Variants in KLF12 observed in about 807,000 individuals in gnomAD.
KLF12 encodes the protein KLF transcription factor 12, also known as Krueppel-like factor 12.
KLF12 carries 9 observed loss-of-function variants against 37.8 expected under a neutral mutation model. The observed-to-expected ratio is 0.24, with a 90% CI of 0.14 to 0.42. The LOEUF (loss-of-function observed/expected upper bound fraction) is 0.42, where lower values mean the gene tolerates loss of function less well. KLF12 is among the 10% of genes least tolerant of loss of function. The pLI, the probability that KLF12 is intolerant of heterozygous loss-of-function variation, is 1.00. For synonymous variants in KLF12, 208 were observed against 202.1 expected (o/e 1.03, Z -0.25); for missense variants, 411 against 516.0 (o/e 0.80, Z 1.97).
intron 1 of KLF12, among the ~76,000 whole-genome samples, chr13:73,998,732 C>T (rs1040413456): frequency 6.6e-6 from 1 of 152,192 alleles, no homozygotes; most frequent in Admixed American, 6.5e-5. Context: ...AAGGTTTCTA[C>T]CACATAAGTT....
chr13:73,866,799 A>C (rs1053387792), intron 3 of KLF12, among the ~76,000 whole-genome samples: 1 of 151,986 alleles, frequency 6.6e-6, no homozygotes, highest in African/African-American at 2.4e-5. Context: ...ACATAAATCT[A>C]ACTGAGTAAT....
chr13:73,991,461 AAAAC>A, intron 2 of KLF12, among the ~76,000 whole-genome samples: 1 of 152,344 alleles, frequency 6.6e-6, no homozygotes, highest in South Asian at 2.1e-4. Context: ...CTCACACTAA[AAAAC>A]AAATAATATC....
At chr13:73,893,328 C>T (rs1887602124) in intron 3 of KLF12, among the ~76,000 whole-genome samples, 2 of 139,380 alleles carry the variant, frequency 1.4e-5, no homozygotes, top group Admixed American at 1.4e-4. Flanking sequence ...ATTTTTTTTT[C>T]AGTCTCATTG....
At chr13:74,039,655 A>C (rs1457179149) in intron 1 of KLF12, among the ~76,000 whole-genome samples, 2 of 152,272 alleles carry the variant, frequency 1.3e-5, no homozygotes, top group African/African-American at 2.4e-5. Flanking sequence ...GATTTATTAC[A>C]AAATGGACAG....
chr13:74,227,311 A>T, the KLF12 span, among the ~76,000 whole-genome samples: 3 of 152,104 alleles, frequency 2.0e-5, no homozygotes, highest in African/African-American at 7.2e-5. Context: ...ACAGGATTAA[A>T]CCACATTTTG....
chr13:74,229,708 C>T, the KLF12 span, among the ~76,000 whole-genome samples: 18 of 152,166 alleles, frequency 1.2e-4, no homozygotes, highest in South Asian at 1.0e-3. Context: ...TACTGTGGGG[C>T]AGCCCAGGAG....
intron 3 of KLF12, among the ~76,000 whole-genome samples, chr13:73,899,838 A>T (rs1020293347): frequency 6.6e-6 from 1 of 152,130 alleles, no homozygotes; most frequent in Admixed American, 6.5e-5. Flanking sequence ...TTGGACTGAC[A>T]GTTATACCAC....
intron 3 of KLF12, among the ~76,000 whole-genome samples, chr13:73,919,767 A>C (rs1301529078): frequency 1.3e-5 from 2 of 152,226 alleles, no homozygotes; most frequent in African/African-American, 4.8e-5. Flanking sequence ...ACATAACTTC[A>C]TAAGGATTTG....
At chr13:74,195,828 C>T in the KLF12 span, among the ~76,000 whole-genome samples, 1 of 152,130 alleles carries the variant, frequency 6.6e-6, no homozygotes, top group East Asian at 1.9e-4. Flanking sequence ...AAATAATCAG[C>T]TCGCCTTGGC....
At chr13:73,922,351 C>A (rs189201180) in intron 3 of KLF12, among the ~76,000 whole-genome samples, 2 of 152,192 alleles carry the variant, frequency 1.3e-5, no homozygotes, top group Admixed American at 1.3e-4. Context: ...TCAGGTACAG[C>A]ACAGGACTGA....
intron 3 of KLF12, among the ~76,000 whole-genome samples, chr13:73,875,053 T>A (rs1329067772): frequency 6.6e-6 from 1 of 152,048 alleles, no homozygotes; most frequent in Non-Finnish European, 1.5e-5. Flanking sequence ...TTTTCATATA[T>A]CATGTGCAAA....
At chr13:74,251,074 G>A in the KLF12 span, among the ~76,000 whole-genome samples, 4 of 152,054 alleles carry the variant, frequency 2.6e-5, no homozygotes, top group African/African-American at 9.7e-5. Context: ...TTCTGAGTCT[G>A]GTGTCTGTCA....
intron 1 of KLF12, among the ~76,000 whole-genome samples, chr13:74,055,221 A>C (rs1262328627): frequency 1.3e-5 from 2 of 152,188 alleles, no homozygotes. Flanking sequence ...TCTCACCAAA[A>C]TATCGTGTAG....
chr13:74,293,872 C>T, the KLF12 span, among the ~76,000 whole-genome samples: 1 of 152,162 alleles, frequency 6.6e-6, no homozygotes, highest in African/African-American at 2.4e-5. Context: ...TGCTAACCAC[C>T]AGAATGCTCT....
the KLF12 span, among the ~76,000 whole-genome samples, chr13:74,284,538 A>C: frequency 6.6e-6 from 1 of 152,198 alleles, no homozygotes; most frequent in Non-Finnish European, 1.5e-5. Context: ...GTGCAGAACC[A>C]CATCTTTACC....
chr13:73,738,398 C>T (rs879705585), intron 6 of KLF12, among the ~76,000 whole-genome samples: 1 of 151,626 alleles, frequency 6.6e-6, no homozygotes, highest in African/African-American at 2.4e-5. Context: ...GTGATCCACC[C>T]GCCTCAGCCT....
chr13:73,822,868 T>C (rs1566394761), intron 4 of KLF12, among the ~76,000 whole-genome samples: 2 of 152,216 alleles, frequency 1.3e-5, no homozygotes, highest in African/African-American at 4.8e-5. Flanking sequence ...CTCTGAGATA[T>C]CACCACACCA....
At chr13:73,735,546 G>GT (rs1877391921) in intron 6 of KLF12, among the ~76,000 whole-genome samples, 1 of 152,118 alleles carries the variant, frequency 6.6e-6, no homozygotes, top group Non-Finnish European at 1.5e-5. Flanking sequence ...CACACAGGAA[G>GT]TGAAGAGGGT....
chr13:74,216,101 C>G, the KLF12 span, among the ~76,000 whole-genome samples: 4 of 152,182 alleles, frequency 2.6e-5, no homozygotes, highest in Non-Finnish European at 1.5e-5. Context: ...GGCAGGCTCC[C>G]TTTTGGCACT....
Sources: allele counts gnomAD v4.1 joint callset (sites outside exome capture counted in the v4.1 genomes callset), GRCh38; gene constraint gnomAD v4.1.1; transcripts MANE v1.5; gene names NCBI Gene and HGNC (gene_info 2026-07-23, HGNC 2026-07-21).